TNNI3K: variants seen among roughly 807,000 people sequenced by gnomAD.
TNNI3K encodes the protein TNNI3 interacting kinase, also known as serine/threonine-protein kinase TNNI3K.
Under a neutral mutation model 114.5 loss-of-function variants are expected in TNNI3K, and 140 were observed. That is an observed-to-expected ratio of 1.22 (90% CI 1.07 to 1.41). TNNI3K has a LOEUF of 1.41. Ranked by LOEUF, TNNI3K falls within the 40% of genes most tolerant of loss-of-function variation. TNNI3K has a pLI of 0.00. For synonymous variants in TNNI3K, 347 were observed against 347.5 expected (o/e 1.00, Z 0.02); for missense variants, 1,125 against 1,007.6 (o/e 1.12, Z -1.58).
Position 74,369,762 on chromosome 1 carries a change from A to G in TNNI3K, c.1667+177A>G, listed in dbSNP as rs1662496630. On this transcript the variant is annotated intron_variant, in intron 16 of 24. Transcript: ENST00000326637. ...GCCTAATAACTGTGTTTCAATGAAT[A>G]GAAATACTTTATGCTTTCTTAGCAG... The G allele has an allele frequency of 4.5e-6, 3 of 671,702 alleles. No individual in the cohort carries two copies. The African/African-American group carries it at 5.6e-5, about 13-fold the overall frequency. 41.6% of individuals were successfully genotyped at this position (671,702 alleles called of 1,614,324 possible). A position where few individuals can be genotyped will look rare whatever the true frequency, so the allele number is the denominator to read the frequency against.
chr1:74,419,141 T>C (rs1665274845), intron 17 of TNNI3K, among the ~76,000 whole-genome samples: 1 of 152,050 alleles, frequency 6.6e-6, no homozygotes, highest in African/African-American at 2.4e-5. Flanking sequence ...GGTGGTTCTC[T>C]GTCTAGAGGC....
intron 21 of TNNI3K, among the ~76,000 whole-genome samples, chr1:74,466,286 T>A (rs753145188): frequency 2.4e-4 from 37 of 152,280 alleles, no homozygotes; most frequent in Non-Finnish European, 4.6e-4. Flanking sequence ...ATCAAGGGAA[T>A]CCCTTTTTCT....
rs1027356357 is a variant in TNNI3K at position 74,540,238 on chromosome 1, G to A, written c.2356G>A (p.Gly786Arg). 1 of 1,611,704 alleles carries A rather than the reference G, an allele frequency of 6.2e-7. No individual in the cohort carries two copies. The highest frequency in any genetic ancestry group is 8.5e-7 in the Non-Finnish European group (1 of 1,178,760). ...RSYAALSQSAGQYSSQGLSLE... is the reference protein window; with the variant it reads ...RSYAALSQSARQYSSQGLSLE... ...TGTGTTTTATTAATTTTCCAGTGCT[G>A]GACAATATTCCTCTCAAGGTCTGTC... is the stretch of plus-strand genomic sequence containing the variant. Residue 786 changes from glycine to arginine, a missense_variant, in exon 24 of 25, where the codon GGA (glycine) becomes AGA (arginine). Physicochemically the swap from Gly to Arg is moderately radical, Grantham distance 125. Transcript: ENST00000326637.
At chr1:74,422,861 A>G (rs2100638688) in intron 17 of TNNI3K, among the ~76,000 whole-genome samples, 1 of 152,274 alleles carries the variant, frequency 6.6e-6, no homozygotes, top group Middle Eastern at 3.4e-3. Context: ...GCTCGTAGAC[A>G]TCTTTAGAAT....
intron 7 of TNNI3K, among the ~76,000 whole-genome samples, chr1:74,337,242 G>A (rs531435981): frequency 1.3e-5 from 2 of 151,938 alleles, no homozygotes; most frequent in African/African-American, 2.4e-5. Context: ...TGTAGATTCT[G>A]GATATTAGCC....
At chr1:74,284,917 A>C (rs1657234599) in intron 5 of TNNI3K, among the ~76,000 whole-genome samples, 1 of 152,236 alleles carries the variant, frequency 6.6e-6, no homozygotes, top group South Asian at 2.1e-4. Flanking sequence ...GACAATAGTT[A>C]AAGATTTTTT....
chr1:74,445,434 T>C (rs572498890), intron 20 of TNNI3K, among the ~76,000 whole-genome samples: 131 of 122,950 alleles, frequency 1.1e-3, no homozygotes, highest in African/African-American at 4.0e-3. Flanking sequence ...TGTGATCTCA[T>C]TGTTCAATTC....
In TNNI3K at chr1:74,489,210, G is replaced by T. The variant is rs1256575092; in HGVS notation, c.2143G>T (p.Val715Phe). 1.9e-6 allele frequency: 3 copies of T among 1,611,408 alleles called. No individual in the cohort carries two copies. Among genetic ancestry groups the T allele is most frequent in the South Asian group, 1.1e-5 (1 of 90,440 alleles). Residue 715 changes from valine (V) to phenylalanine (F), a missense_variant, in exon 22 of 25, where the codon GTT (valine) becomes TTT (phenylalanine). Transcript: ENST00000326637. Reference sequence around the variant, plus strand: ...ACAGGGAAGACCCGAATTTTCTGAAGTTGTCATGAAGTTAGAAGAGTGTCT... The same window carrying T: ...ACAGGGAAGACCCGAATTTTCTGAATTTGTCATGAAGTTAGAAGAGTGTCT... The part of the protein sequence containing the change: ...CPEGRPEFSE[V>F]VMKLEECLCN...
At chr1:74,449,019 A>G (rs1403046978) in intron 20 of TNNI3K, among the ~76,000 whole-genome samples, 1 of 99,394 alleles carries the variant, frequency 1.0e-5, no homozygotes, top group Non-Finnish European at 2.0e-5. Flanking sequence ...TATTGATTGG[A>G]ATAGTTTCAG....
At chr1:74,437,188 T>C (rs1553146388) in intron 19 of TNNI3K, among the ~76,000 whole-genome samples, 1 of 152,074 alleles carries the variant, frequency 6.6e-6, no homozygotes, top group Non-Finnish European at 1.5e-5. Context: ...TTTCTGGATG[T>C]CTCTTTCTTT....
rs141593089 is a variant in TNNI3K at position 74,351,969 on chromosome 1, G to A, written c.933-1297G>A. 4.7e-3 allele frequency among the ~76,000 whole-genome samples: 719 copies of A among 152,184 alleles called. 7 individuals are homozygous for A. The highest frequency in any genetic ancestry group is 0.017 in the African/African-American group (690 of 41,508). ...TTCTGAAGCCTTCCCCTCTCAACTT[G>A]TCAAAGTCATTTTCCGTCCAGCTTT... On this transcript the variant is annotated intron_variant, in intron 9 of 24. Transcript: ENST00000326637.
intron 5 of TNNI3K, among the ~76,000 whole-genome samples, chr1:74,304,633 T>C (rs1030826523): frequency 2.0e-5 from 3 of 151,976 alleles, no homozygotes; most frequent in African/African-American, 7.2e-5. Context: ...TTTATAGAAA[T>C]GGGGTCTCAC....
chr1:74,332,555 C>T (rs1322347461), intron 6 of TNNI3K, among the ~76,000 whole-genome samples: 1 of 152,112 alleles, frequency 6.6e-6, no homozygotes, highest in African/African-American at 2.4e-5. Context: ...CTGCCTCGGC[C>T]TCCTGAAGTC....
intron 5 of TNNI3K, among the ~76,000 whole-genome samples, chr1:74,288,048 A>G (rs551484418): frequency 6.6e-6 from 1 of 152,298 alleles, no homozygotes; most frequent in East Asian, 1.9e-4. Flanking sequence ...ATATTACCCC[A>G]TACCATTATA....
At chr1:74,341,253 G>A (rs1660733059) in intron 7 of TNNI3K, among the ~76,000 whole-genome samples, 2 of 152,188 alleles carry the variant, frequency 1.3e-5, no homozygotes, top group South Asian at 4.1e-4. Context: ...TTATTTGAGA[G>A]TATAGACTCT....
At chr1:74,280,145 G>A (rs1005128459) in intron 5 of TNNI3K, among the ~76,000 whole-genome samples, 4 of 152,186 alleles carry the variant, frequency 2.6e-5, no homozygotes, top group Non-Finnish European at 5.9e-5. Flanking sequence ...CACTTTGGGA[G>A]GCCGAGATGG....
intron 5 of TNNI3K, among the ~76,000 whole-genome samples, chr1:74,295,325 A>T (rs1394716060): frequency 6.6e-6 from 1 of 152,178 alleles, no homozygotes; most frequent in African/African-American, 2.4e-5. Context: ...CATGAAAAAT[A>T]TGTCCATTCT....
At chr1:74,242,244 G>A (rs1654281388) in intron 2 of TNNI3K, among the ~76,000 whole-genome samples, 1 of 152,034 alleles carries the variant, frequency 6.6e-6, no homozygotes. Flanking sequence ...TAATTACAGT[G>A]CCTCACTTTA....
intron 9 of TNNI3K, among the ~76,000 whole-genome samples, chr1:74,351,410 T>C (rs1471201890): frequency 2.6e-5 from 4 of 151,502 alleles, no homozygotes; most frequent in Non-Finnish European, 2.9e-5. Flanking sequence ...TTTTTTCCTT[T>C]ATTTCAACTT....
Sources: allele counts gnomAD v4.1 joint callset (sites outside exome capture counted in the v4.1 genomes callset), GRCh38; gene constraint gnomAD v4.1.1; transcripts MANE v1.5; gene names NCBI Gene and HGNC (gene_info 2026-07-23, HGNC 2026-07-21).